Variants in MFN1 observed in about 807,000 individuals in gnomAD.
MFN1 encodes the protein mitofusin-1.
MFN1 carries 65 observed loss-of-function variants against 92.4 expected under a neutral mutation model. That is an observed-to-expected ratio of 0.70 (90% CI 0.58 to 0.86). MFN1 has a LOEUF of 0.86. Ranked by LOEUF, MFN1 falls within the 40% of genes least tolerant of loss-of-function variation. MFN1 has a pLI of 0.00. For synonymous variants in MFN1, 297 were observed against 300.9 expected, an observed-to-expected ratio of 0.99 and a Z score of 0.13; for missense variants, 781 against 868.0, an observed-to-expected ratio of 0.90 and a Z score of 1.26.
intron 3 of MFN1, among the ~76,000 whole-genome samples, chr3:179,353,976 A>G (rs76268795): frequency 5.1e-4 from 78 of 152,328 alleles, no homozygotes; most frequent in Non-Finnish European, 8.7e-4. Flanking sequence ...ATTTTCTGTT[A>G]AAGCATCCTC....
Position 179,392,071 on chromosome 3 carries a change from G to T in MFN1, c.*12G>T. ...ATGAAGAATCCTAACAATAGAGATT[G>T]CTTTGGTGACCATGATAGGAGGAAA... On this transcript the variant is annotated 3_prime_UTR_variant, in exon 18 of 18. Transcript: ENST00000471841. 1 of 1,576,366 alleles carries T rather than the reference G, an allele frequency of 6.3e-7. No homozygotes were observed. The highest frequency in any genetic ancestry group is 2.2e-5 in the East Asian group (1 of 44,600).
At chr3:179,368,977 C>T (rs1712913723) in intron 9 of MFN1, among the ~76,000 whole-genome samples, 1 of 152,104 alleles carries the variant, frequency 6.6e-6, no homozygotes, top group East Asian at 1.9e-4. Flanking sequence ...TACTATCTCT[C>T]ATCTTTAATT....
chr3:179,359,596 C>CTTTT lies in MFN1; in HGVS notation c.411+614_411+617dup, dbSNP rs1167385875. Reference sequence around the variant, plus strand: ...CCATCATGCCCAGCTAATTTTCGTACTTTTTTTTTTTTTTTTTTTTTTTAT... The same window carrying CTTTT: ...CCATCATGCCCAGCTAATTTTCGTACTTTTTTTTTTTTTTTTTTTTTTTTTTTAT... On this transcript the variant is annotated intron_variant, in intron 4 of 17. Transcript: ENST00000471841. 9.5e-3 allele frequency: 825 copies of CTTTT among 87,238 alleles called. 3 individuals are homozygous for CTTTT. Among genetic ancestry groups the CTTTT allele is most frequent in the African/African-American group, 0.013 (268 of 20,584 alleles). The allele number at this position is 87,238 out of a possible 1,614,324, so 5.4% of individuals were successfully genotyped here. A position where few individuals can be genotyped will look rare whatever the true frequency, so the allele number is the denominator to read the frequency against.
chr3:179,367,347 T>G, intron 7 of MFN1, 92 bp from the exon 8 acceptor site: 1 of 1,049,124 alleles, frequency 9.5e-7, no homozygotes, highest in Non-Finnish European at 1.3e-6. Context: ...TTTTATTATA[T>G]CACTGTGAAT....
In MFN1 at chr3:179,386,555, T is replaced by C. The variant is rs769027133; in HGVS notation, c.1938T>C (p.Phe646=). 1.2e-5 allele frequency: 20 copies of C among 1,614,144 alleles called. No homozygotes were observed. Among genetic ancestry groups the C allele is most frequent in the Non-Finnish European group, 1.5e-5 (18 of 1,179,994 alleles). The change falls in exon 16 of 18, where the codon TTT becomes TTC. Residue 646 remains phenylalanine (F), a synonymous_variant. Transcript: ENST00000471841. ...AGGAGCGAGCCTTTAAACAGCAGTT[T>C]GTAAACTATGCAACTGAAAAACTGA... The part of the protein sequence containing the change: ...HAKERAFKQQ[F]VNYATEKLRM...
chr3:179,377,281 AT>A (rs1713276861), intron 11 of MFN1, 62 bp from the exon 12 acceptor site: 8 of 1,519,178 alleles, frequency 5.3e-6, no homozygotes, highest in Non-Finnish European at 7.1e-6. Context: ...TTTCAATTTA[AT>A]TTTTTTGAAT....
At chr3:179,389,346 A>G (rs1005187079) in intron 16 of MFN1, among the ~76,000 whole-genome samples, 29 of 152,194 alleles carry the variant, frequency 1.9e-4, no homozygotes, top group African/African-American at 6.8e-4. Flanking sequence ...CCCACGCAGC[A>G]GTTCATGCTA....
At chr3:179,369,638 A>C (rs142490700) in intron 9 of MFN1, among the ~76,000 whole-genome samples, 5 of 152,180 alleles carry the variant, frequency 3.3e-5, no homozygotes, top group African/African-American at 9.7e-5. Flanking sequence ...CTAGCTGATC[A>C]TCAGAATCAC....
At chr3:179,381,393 G>A (rs900702601) in intron 14 of MFN1, among the ~76,000 whole-genome samples, 2 of 152,210 alleles carry the variant, frequency 1.3e-5, no homozygotes, top group African/African-American at 2.4e-5. Flanking sequence ...CTGTGTACCG[G>A]AACTTTTTAA....
At chr3:179,387,870 A>G (rs1577017512) in intron 16 of MFN1, among the ~76,000 whole-genome samples, 1 of 151,796 alleles carries the variant, frequency 6.6e-6, no homozygotes, top group East Asian at 2.0e-4. Context: ...CTGGGACTAC[A>G]GGTGCATGCC....
intron 4 of MFN1, among the ~76,000 whole-genome samples, chr3:179,361,246 T>C (rs1397569176): frequency 6.6e-6 from 1 of 152,248 alleles, no homozygotes; most frequent in African/African-American, 2.4e-5. Context: ...TATGCTGTTA[T>C]TTTAAAGAAA....
At chr3:179,373,497 A>G (rs751329803) in intron 9 of MFN1, among the ~76,000 whole-genome samples, 2 of 152,166 alleles carry the variant, frequency 1.3e-5, no homozygotes, top group Non-Finnish European at 2.9e-5. Context: ...AGATGAATTC[A>G]TTGGAGTATC....
intron 16 of MFN1, 117 bp downstream of exon 16, chr3:179,386,746 C>T (rs976892392): frequency 7.4e-6 from 7 of 941,138 alleles, no homozygotes; most frequent in Admixed American, 2.7e-5. Context: ...GAACATGTTT[C>T]GTGATGGCCA....
chr3:179,354,847 C>G (rs914075065), intron 3 of MFN1, among the ~76,000 whole-genome samples: 7 of 151,996 alleles, frequency 4.6e-5, no homozygotes, highest in African/African-American at 1.7e-4. Context: ...CAGGCTGGAG[C>G]GCAGTGGCGT....
intron 10 of MFN1, chr3:179,376,820 G>A (rs1033157483): frequency 8.6e-6 from 3 of 348,912 alleles, no homozygotes; most frequent in Non-Finnish European, 1.6e-5. Flanking sequence ...CATCCTTTCT[G>A]GGATTCAGGT....
rs776457496 is a variant in MFN1, at chr3:179,378,426, C to A, written c.1415C>A (p.Thr472Asn). Residue 472 changes from threonine (T) to asparagine (N), a missense_variant, in exon 13 of 18, where the codon ACC (threonine) becomes AAC (asparagine). By Grantham distance (65) the Thr-to-Asn change is moderately conservative (BLOSUM62 0). Transcript: ENST00000471841. The part of the protein sequence containing the change: ...TDEVNALVLQ[T>N]QQEIIENLKP... ...GAAGTAAACGCCTTAGTGCTTCAGA[C>A]CCAGCAAGAAATTATTGGTAATATT... 2.5e-6 allele frequency: 4 copies of A among 1,596,110 alleles called. No homozygotes were observed. The South Asian group carries it at 4.6e-5, about 18-fold the overall frequency.
chr3:179,360,284 G>A (rs767933524), intron 4 of MFN1, among the ~76,000 whole-genome samples: 3 of 151,938 alleles, frequency 2.0e-5, no homozygotes, highest in Non-Finnish European at 4.4e-5. Context: ...TCTCAAATTT[G>A]TCCCACCTTG....
intron 16 of MFN1, among the ~76,000 whole-genome samples, chr3:179,387,287 T>C (rs1713720490): frequency 6.6e-6 from 1 of 152,138 alleles, no homozygotes; most frequent in Non-Finnish European, 1.5e-5. Context: ...GGCTCACGCC[T>C]ATAATCCCAG....
At chr3:179,358,310 C>T (rs548095830) in intron 3 of MFN1, among the ~76,000 whole-genome samples, 2 of 152,148 alleles carry the variant, frequency 1.3e-5, no homozygotes, top group East Asian at 3.9e-4. Context: ...CCCCACCACA[C>T]CTGGCTAATT....
Sources: gnomAD v4.1 joint callset for allele counts (sites outside exome capture counted in the v4.1 genomes callset) on GRCh38, gnomAD v4.1.1 for gene constraint, MANE v1.5 for transcripts, NCBI Gene and HGNC (gene_info 2026-07-23, HGNC 2026-07-21) for gene names.